The following SLC16A10 variants were observed in gnomAD, a reference collection of about 807,000 sequenced individuals.
SLC16A10 encodes the protein monocarboxylate transporter 10.
Under a neutral mutation model 40.0 loss-of-function variants are expected in SLC16A10, and 27 were observed. The observed-to-expected ratio is 0.67, with a 90% CI of 0.50 to 0.93. The LOEUF is 0.93. Among genes scored for constraint, SLC16A10 ranks in the 40% least tolerant of loss-of-function variants. The pLI, the probability that SLC16A10 is intolerant of heterozygous loss-of-function variation, is 0.00. For synonymous variants in SLC16A10, 213 were observed against 249.8 expected, an observed-to-expected ratio of 0.85 and a Z score of 1.39; for missense variants, 529 against 658.2, an observed-to-expected ratio of 0.80 and a Z score of 2.15.
chr6:111,202,029 C>T (rs1006789033), intron 3 of SLC16A10, among the ~76,000 whole-genome samples: 4 of 152,214 alleles, frequency 2.6e-5, no homozygotes, highest in African/African-American at 9.7e-5. Context: ...TGTGGCTCCC[C>T]TGTAAGAGAG....
At chr6:111,178,272 G>A (rs1040774212) in intron 3 of SLC16A10, 1 of 441,036 alleles carries the variant, frequency 2.3e-6, no homozygotes, top group South Asian at 1.7e-5. Context: ...TGGGAAAATG[G>A]GAATTCTATT....
intron 1 of SLC16A10, among the ~76,000 whole-genome samples, chr6:111,156,813 G>A (rs1284623366): frequency 2.0e-5 from 3 of 152,180 alleles, no homozygotes; most frequent in East Asian, 1.9e-4. Flanking sequence ...ACATACTATC[G>A]TAAGATGTTA....
intron 3 of SLC16A10, among the ~76,000 whole-genome samples, chr6:111,188,123 G>A (rs958143208): frequency 1.1e-4 from 16 of 152,130 alleles, no homozygotes; most frequent in African/African-American, 3.4e-4. Context: ...ATGGAGTTAT[G>A]TAACTGAAGA....
chr6:111,160,655 A>G (rs1772353839), intron 1 of SLC16A10, among the ~76,000 whole-genome samples: 1 of 152,228 alleles, frequency 6.6e-6, no homozygotes, highest in African/African-American at 2.4e-5. Context: ...ATCTAAAAAG[A>G]AGGAGGATAT....
chr6:111,191,498 A>G (rs1172688695), intron 3 of SLC16A10, among the ~76,000 whole-genome samples: 1 of 152,326 alleles, frequency 6.6e-6, no homozygotes, highest in African/African-American at 2.4e-5. Context: ...ATGTGTCTTT[A>G]TAATAGAATG....
intron 2 of SLC16A10, among the ~76,000 whole-genome samples, chr6:111,175,576 CTACT>C (rs754058330): frequency 1.3e-5 from 2 of 152,096 alleles, no homozygotes; most frequent in African/African-American, 2.4e-5. Context: ...ATCTGGAAAA[CTACT>C]TAGGTGGAAA....
At chr6:111,144,682 T>G (rs1242957011) in intron 1 of SLC16A10, among the ~76,000 whole-genome samples, 1 of 152,250 alleles carries the variant, frequency 6.6e-6, no homozygotes, top group Admixed American at 6.5e-5. Flanking sequence ...TGAGGTATGA[T>G]AAAACTTTTG....
intron 1 of SLC16A10, among the ~76,000 whole-genome samples, chr6:111,138,255 T>G (rs904363662): frequency 6.6e-6 from 1 of 152,198 alleles, no homozygotes; most frequent in Non-Finnish European, 1.5e-5. Context: ...AATGAATAAA[T>G]AAGTGGGTAG....
At chr6:111,123,135 C>T (rs1344780451) in intron 1 of SLC16A10, among the ~76,000 whole-genome samples, 2 of 152,152 alleles carry the variant, frequency 1.3e-5, no homozygotes, top group African/African-American at 4.8e-5. Flanking sequence ...TGGACTCTGG[C>T]CCATTCCTCC....
At chr6:111,150,132 A>G (rs534963803) in intron 1 of SLC16A10, among the ~76,000 whole-genome samples, 4 of 152,378 alleles carry the variant, frequency 2.6e-5, no homozygotes, top group South Asian at 2.1e-4. Flanking sequence ...TGAATAGGCT[A>G]TGAGGGCTCT....
At chr6:111,199,389 G>A (rs1388277174) in intron 3 of SLC16A10, among the ~76,000 whole-genome samples, 1 of 150,406 alleles carries the variant, frequency 6.6e-6, no homozygotes, top group African/African-American at 2.5e-5. Flanking sequence ...AATCCGGGAG[G>A]TGGAGGTGGC....
At chr6:111,128,343 C>G (rs544951991) in intron 1 of SLC16A10, among the ~76,000 whole-genome samples, 2 of 152,062 alleles carry the variant, frequency 1.3e-5, no homozygotes, top group Non-Finnish European at 2.9e-5. Flanking sequence ...TTTGAGGTCC[C>G]GTAGCAGGTC....
chr6:111,135,625 G>C (rs1198889041), intron 1 of SLC16A10, among the ~76,000 whole-genome samples: 3 of 152,198 alleles, frequency 2.0e-5, no homozygotes, highest in African/African-American at 7.2e-5. Context: ...TGCCTTTGAA[G>C]ATCCTTCGAA....
rs769212196 is a variant in SLC16A10, at chr6:111,222,260, G to A, written c.*25G>A. Reference sequence around the variant, plus strand: ...ATATCTTACATACCTCCACCAGACTGGACTTGCTTTTTGAATTTTAAGCAA... The same window carrying A: ...ATATCTTACATACCTCCACCAGACTAGACTTGCTTTTTGAATTTTAAGCAA... On this transcript the variant is annotated 3_prime_UTR_variant, in exon 6 of 6. Coordinates refer to ENST00000368851, the MANE Select transcript of SLC16A10 (RefSeq NM_018593.5). 1 of 1,549,758 alleles carries A rather than the reference G, an allele frequency of 6.5e-7. No homozygotes were observed. Among genetic ancestry groups the A allele is most frequent in the Non-Finnish European group, 8.6e-7 (1 of 1,160,410 alleles).
intron 4 of SLC16A10, among the ~76,000 whole-genome samples, chr6:111,212,661 C>G (rs1157276583): frequency 6.6e-6 from 1 of 151,916 alleles, no homozygotes; most frequent in African/African-American, 2.4e-5. Flanking sequence ...GACATGGTGG[C>G]CTACACCTGT....
intron 1 of SLC16A10, among the ~76,000 whole-genome samples, chr6:111,090,099 C>G (rs890254329): frequency 6.6e-6 from 1 of 151,548 alleles, no homozygotes; most frequent in African/African-American, 2.4e-5. Context: ...GGGAAGGAAC[C>G]TGGTTTTTCT....
intron 1 of SLC16A10, among the ~76,000 whole-genome samples, chr6:111,171,349 A>C (rs985081419): frequency 1.3e-5 from 2 of 152,146 alleles, no homozygotes; most frequent in Non-Finnish European, 2.9e-5. Flanking sequence ...TGAGGGAAGA[A>C]AGAAAATAGA....
At chr6:111,179,728 C>T (rs1356301408) in intron 3 of SLC16A10, among the ~76,000 whole-genome samples, 1 of 152,148 alleles carries the variant, frequency 6.6e-6, no homozygotes, top group African/African-American at 2.4e-5. Flanking sequence ...CTTTTTTCTG[C>T]TTTCCCTTCT....
At chr6:111,114,040 C>G (rs1771440236) in intron 1 of SLC16A10, among the ~76,000 whole-genome samples, 1 of 152,194 alleles carries the variant, frequency 6.6e-6, no homozygotes, top group African/African-American at 2.4e-5. Context: ...CTGTTCCCAG[C>G]TACATACAGA....
Sources: gnomAD v4.1 joint callset for allele counts (sites outside exome capture counted in the v4.1 genomes callset) on GRCh38, gnomAD v4.1.1 for gene constraint, MANE v1.5 for transcripts, NCBI Gene and HGNC (gene_info 2026-07-23, HGNC 2026-07-21) for gene names.